CSGALNACT1: variants seen among roughly 807,000 people sequenced by gnomAD.
CSGALNACT1 encodes beta4GalNAcT-1.
A neutral mutation model predicts 51.0 loss-of-function variants in CSGALNACT1; 52 were observed. The observed-to-expected ratio is 1.02, with a 90% CI of 0.82 to 1.29. The LOEUF is 1.29. CSGALNACT1 is among the 50% of genes most tolerant of loss of function. The pLI, the probability that CSGALNACT1 is intolerant of heterozygous loss-of-function variation, is 0.00. For synonymous variants in CSGALNACT1, 341 were observed against 254.4 expected (o/e 1.34, Z -3.24); for missense variants, 935 against 679.2 (o/e 1.38, Z -4.19).
chr8:19,544,465 G>A (rs1195350290), intron 3 of CSGALNACT1, among the ~76,000 whole-genome samples: 1 of 152,070 alleles, frequency 6.6e-6, no homozygotes, highest in Non-Finnish European at 1.5e-5. Context: ...CTCCAATGCT[G>A]AAGGAAAAAG....
At chr8:19,542,079 T>G (rs2085325188) in intron 3 of CSGALNACT1, among the ~76,000 whole-genome samples, 1 of 152,146 alleles carries the variant, frequency 6.6e-6, no homozygotes, top group Non-Finnish European at 1.5e-5. Context: ...GTCTAGTTCT[T>G]GATGGAAGCA....
At chr8:19,412,053 GA>G (rs1563270009) in intron 8 of CSGALNACT1, among the ~76,000 whole-genome samples, 1 of 152,024 alleles carries the variant, frequency 6.6e-6, no homozygotes, top group Non-Finnish European at 1.5e-5. Context: ...GGCTGGTCTC[GA>G]ACTCCTGACC....
At chr8:19,624,886 C>T (rs1445475907) in intron 1 of CSGALNACT1, among the ~76,000 whole-genome samples, 1 of 152,126 alleles carries the variant, frequency 6.6e-6, no homozygotes, top group Non-Finnish European at 1.5e-5. Flanking sequence ...ACCATATTGG[C>T]CAGGATGGTC....
rs77569104 is a variant in CSGALNACT1 at position 19,740,493 on chromosome 8, G to C, written c.-297+17357C>G. Among the ~76,000 whole-genome samples, 346 of 152,314 alleles carry C rather than the reference G, an allele frequency of 2.3e-3. 4 individuals are homozygous for C. In the East Asian group the frequency reaches 0.029, roughly 13 times the overall value. On this transcript the variant is annotated intron_variant, in intron 1 of 1. Coordinates refer to the CSGALNACT1 transcript ENST00000517494. ...AAATCCCCTCACACATCCAGTACCA[G>C]TGTTTTACTGTATCTTCAGAGTGAG...
rs139870111 is a variant in CSGALNACT1, at chr8:19,504,982, T to C, written c.634+219A>G. 3.2e-4 allele frequency among the ~76,000 whole-genome samples: 48 copies of C among 152,288 alleles called. No individual in the cohort carries two copies. In the East Asian group the frequency reaches 8.3e-3, roughly 26 times the overall value. The stretch of plus-strand genomic sequence containing the variant: ...TTCTTCTGCCAAGGAACAATGAAAC[T>C]GTCCACTCAATGACCGTGGTTTCCA... On this transcript the variant is annotated intron_variant, in intron 4 of 9. Coordinates refer to ENST00000454498, the Ensembl canonical transcript of CSGALNACT1.
At chr8:19,487,298 C>G (rs528579878) in intron 4 of CSGALNACT1, among the ~76,000 whole-genome samples, 3 of 152,284 alleles carry the variant, frequency 2.0e-5, no homozygotes, top group African/African-American at 7.2e-5. Flanking sequence ...TTTCACCTCC[C>G]AACAGCAGCG....
At chr8:19,461,264 G>A (rs1046989820) in intron 4 of CSGALNACT1, among the ~76,000 whole-genome samples, 3 of 152,202 alleles carry the variant, frequency 2.0e-5, no homozygotes, top group African/African-American at 7.2e-5. Flanking sequence ...CTTCAAAGAC[G>A]GTTCATTCCT....
At chr8:19,474,968 G>T (rs182263464) in intron 4 of CSGALNACT1, among the ~76,000 whole-genome samples, 2 of 152,086 alleles carry the variant, frequency 1.3e-5, no homozygotes, top group East Asian at 3.9e-4. Flanking sequence ...CCTTGCTATG[G>T]AAAGGGCTCA....
intron 1 of CSGALNACT1, among the ~76,000 whole-genome samples, chr8:19,715,006 G>A (rs1202208308): frequency 6.6e-6 from 1 of 152,092 alleles, no homozygotes; most frequent in African/African-American, 2.4e-5. Flanking sequence ...TTATGCTGCT[G>A]ATAAAGACAT....
chr8:19,708,209 A>G (rs1281735524), intron 1 of CSGALNACT1, among the ~76,000 whole-genome samples: 1 of 152,210 alleles, frequency 6.6e-6, no homozygotes, highest in Non-Finnish European at 1.5e-5. Flanking sequence ...TCTAATGGTG[A>G]AATTATGCAA....
chr8:19,447,504 C>A (rs1475223530), intron 5 of CSGALNACT1, among the ~76,000 whole-genome samples: 2 of 152,158 alleles, frequency 1.3e-5, no homozygotes, highest in East Asian at 1.9e-4. Context: ...CTAAAGAAGT[C>A]TTTTTCAACC....
intron 4 of CSGALNACT1, among the ~76,000 whole-genome samples, chr8:19,472,286 C>G (rs558063393): frequency 2.6e-5 from 4 of 152,116 alleles, no homozygotes; most frequent in African/African-American, 7.2e-5. Flanking sequence ...TGGGAAAGCA[C>G]AAAACTTAAG....
intron 1 of CSGALNACT1, among the ~76,000 whole-genome samples, chr8:19,745,319 T>G (rs1483149127): frequency 1.3e-5 from 2 of 152,184 alleles, no homozygotes; most frequent in African/African-American, 2.4e-5. Context: ...CCACATCTTA[T>G]CTCTCTTTGG....
Position 19,416,319 on chromosome 8 carries a change from T to A in CSGALNACT1, c.1227+2337A>T, listed in dbSNP as rs573020767. ...TAGTAGAGATGGGGTTTCATCATGTTAGCCAGGCTGGTCTCGAACTCCTGA... is the reference window on the plus strand; with the variant it reads ...TAGTAGAGATGGGGTTTCATCATGTAAGCCAGGCTGGTCTCGAACTCCTGA... On this transcript the variant is annotated intron_variant, in intron 8 of 9. Coordinates refer to ENST00000454498, the Ensembl canonical transcript of CSGALNACT1. Among the ~76,000 whole-genome samples, 209 of 152,258 alleles carry A rather than the reference T, an allele frequency of 1.4e-3. 7 individuals carry two copies. The South Asian group carries it at 0.039, about 28-fold the overall frequency.
chr8:19,584,158 C>T (rs2046160565), intron 3 of CSGALNACT1, among the ~76,000 whole-genome samples: 1 of 152,184 alleles, frequency 6.6e-6, no homozygotes, highest in African/African-American at 2.4e-5. Flanking sequence ...TGAAAGATCA[C>T]CTACCTCTGC....
chr8:19,441,304 C>T (rs938413399), intron 5 of CSGALNACT1, among the ~76,000 whole-genome samples: 1 of 152,146 alleles, frequency 6.6e-6, no homozygotes, highest in Admixed American at 6.5e-5. Context: ...CATCACACTA[C>T]CTGACTTCAA....
chr8:19,739,323 A>C (rs2064170058), intron 1 of CSGALNACT1, among the ~76,000 whole-genome samples: 2 of 152,108 alleles, frequency 1.3e-5, no homozygotes. Flanking sequence ...ACAAACAGTA[A>C]GACTTCCTGC....
chr8:19,610,289 CAA>C (rs58262538), intron 1 of CSGALNACT1, among the ~76,000 whole-genome samples: 9 of 47,652 alleles, frequency 1.9e-4, no homozygotes, highest in East Asian at 6.4e-4. Flanking sequence ...GACTCCGTCT[CAA>C]AAAAAAAAAA....
At chr8:19,407,580 G>A (rs558783714) in intron 9 of CSGALNACT1, among the ~76,000 whole-genome samples, 1 of 152,322 alleles carries the variant, frequency 6.6e-6, no homozygotes, top group East Asian at 1.9e-4. Flanking sequence ...GGGACAGGAG[G>A]CCTCTATTCT....
Sources: allele counts gnomAD v4.1 joint callset (sites outside exome capture counted in the v4.1 genomes callset), GRCh38; gene constraint gnomAD v4.1.1; transcripts MANE v1.5; gene names NCBI Gene and HGNC (gene_info 2026-07-23, HGNC 2026-07-21).